The following BAIAP2L2 variants were observed in gnomAD, a reference collection of about 807,000 sequenced individuals.
The protein encoded by BAIAP2L2 is BAR/IMD domain containing adaptor protein 2 like 2.
In BAIAP2L2, 65 loss-of-function variants were observed where a neutral mutation model predicts 60.4. The ratio of observed to expected loss-of-function variants is 1.08; its 90% CI spans 0.88 to 1.32. The LOEUF is 1.32. BAIAP2L2 is among the 40% of genes most tolerant of loss of function. BAIAP2L2 has a pLI of 0.00. For missense variants in BAIAP2L2, 836 were observed against 741.2 expected, an observed-to-expected ratio of 1.13 and a Z score of -1.48; for synonymous variants, 344 against 301.7, an observed-to-expected ratio of 1.14 and a Z score of -1.45.
At chr22:38,098,024 CGCCCTT>C in intron 6 of BAIAP2L2, 33 bp downstream of exon 6, 5 of 970,768 alleles carry the variant, frequency 5.2e-6, no homozygotes, top group Non-Finnish European at 8.2e-6. Context: ...TCTGCCCACC[CGCCCTT>C]CCTGGCCCAC....
chr22:38,103,998 C>T (rs1357224338), intron 4 of BAIAP2L2, among the ~76,000 whole-genome samples: 1 of 151,962 alleles, frequency 6.6e-6, no homozygotes, highest in Non-Finnish European at 1.5e-5. Context: ...AATAAAAGTA[C>T]TACATAATGG....
At chr22:38,086,976 A>C in intron 11 of BAIAP2L2, 148 bp downstream of exon 11, 1 of 1,103,860 alleles carries the variant, frequency 9.1e-7, no homozygotes, top group Non-Finnish European at 1.2e-6. Context: ...AGCCTGGGTG[A>C]CAGGGTGAGA....
Position 38,097,975 on chromosome 22 carries a change from A to G in BAIAP2L2, c.465+88T>C, listed in dbSNP as rs1458145938. 3 of 1,226,334 alleles carry G rather than the reference A, an allele frequency of 2.4e-6. No homozygotes were observed. In the East Asian group the frequency reaches 7.0e-5, roughly 29 times the overall value. 76.0% of individuals were successfully genotyped at this position (1,226,334 alleles called of 1,614,324 possible). A position where few individuals can be genotyped will look rare whatever the true frequency, so the allele number is the denominator to read the frequency against. ...TGGTGCTCGGTGGGGGAGCTCAGGG[A>G]GGCGTTCGGGGTTCCCAGGGCCCGG... On this transcript the variant is annotated intron_variant, in intron 6 of 13. Transcript: ENST00000381669.
rs2086230947 is a variant in BAIAP2L2 at position 38,089,626 on chromosome 22, C to G, written c.661G>C (p.Glu221Gln). 5 of 1,233,020 alleles carry G rather than the reference C, an allele frequency of 4.1e-6. No homozygotes were observed. The highest frequency in any genetic ancestry group is 1.6e-5 in the African/African-American group (1 of 64,448). The allele number at this position is 1,233,020 out of a possible 1,614,324, so 76.4% of individuals were successfully genotyped here. ...NRVLLWKEQS[E>Q]ASRSPSRAHS... is the part of the protein sequence containing the mutation. ...GCGCGCGACGGGCTGCGGCTGGCCTCAGACTGCTCCTTCCACAGCAGCACG... is the reference window on the plus strand; with the variant it reads ...GCGCGCGACGGGCTGCGGCTGGCCTGAGACTGCTCCTTCCACAGCAGCACG... The change falls in exon 8 of 14, where the codon GAG (glutamate) becomes CAG (glutamine). Residue 221 changes from glutamate (E) to glutamine (Q), a missense_variant. By Grantham distance (29) the Glu-to-Gln change is conservative. Coordinates refer to ENST00000381669, the MANE Select transcript of BAIAP2L2 (RefSeq NM_025045.6).
intron 10 of BAIAP2L2, among the ~76,000 whole-genome samples, chr22:38,087,668 C>T (rs567409143): frequency 2.0e-5 from 3 of 152,184 alleles, no homozygotes; most frequent in African/African-American, 7.2e-5. Context: ...GACCCCCTTC[C>T]GTTCCTGTCC....
intron 10 of BAIAP2L2, 97 bp from the exon 11 acceptor site, chr22:38,087,361 C>T: frequency 7.1e-7 from 1 of 1,417,188 alleles, no homozygotes; most frequent in South Asian, 1.3e-5. Context: ...CTGGAAGCTA[C>T]TTCACCTCGA....
At chr22:38,109,064 G>A in intron 2 of BAIAP2L2, 69 bp downstream of exon 2, 1 of 1,336,514 alleles carries the variant, frequency 7.5e-7, no homozygotes, top group Non-Finnish European at 1.1e-6. Flanking sequence ...GAGAATCTGG[G>A]AGGGGCCTGG....
chr22:38,089,474 G>T, intron 8 of BAIAP2L2, 48 bp downstream of exon 8: 1 of 1,094,694 alleles, frequency 9.1e-7, no homozygotes, highest in Admixed American at 4.6e-5. Flanking sequence ...GGGCCCCCGC[G>T]GGGGGCGGCG....
intron 6 of BAIAP2L2, 80 bp from the exon 7 acceptor site, chr22:38,097,258 C>G: frequency 6.5e-7 from 1 of 1,533,316 alleles, no homozygotes; most frequent in Non-Finnish European, 8.9e-7. Context: ...GCCAGCTGTT[C>G]AAGCCCCCTG....
Position 38,085,706 on chromosome 22 carries a change from T to C in BAIAP2L2, c.1494A>G (p.Pro498=), listed in dbSNP as rs772140259. The C allele has an allele frequency of 1.2e-6, 2 of 1,611,928 alleles. No homozygotes were observed. Among genetic ancestry groups the C allele is most frequent in the Non-Finnish European group, 1.7e-6 (2 of 1,179,304 alleles). The part of the protein sequence containing the change: ...VKKLMSSEQY[P]PQELFPRGTN... ...CTCACCTCGGGAAGAGCTCCTGTGG[T>C]GGGTACTGCTCTGAGGACATCAGTT... is the stretch of plus-strand genomic sequence containing the variant. Residue 498 remains proline (P), a synonymous_variant, in exon 13 of 14, where the codon CCA becomes CCG. Coordinates refer to ENST00000381669, the MANE Select transcript of BAIAP2L2 (RefSeq NM_025045.6).
At chr22:38,085,552 T>C in intron 13 of BAIAP2L2, 134 bp downstream of exon 13, 2 of 1,302,078 alleles carry the variant, frequency 1.5e-6, no homozygotes, top group Non-Finnish European at 2.2e-6. Flanking sequence ...TCTCACAGTG[T>C]TGCTCAAGCT....
intron 4 of BAIAP2L2, among the ~76,000 whole-genome samples, chr22:38,104,346 A>T (rs1350248065): frequency 2.6e-5 from 4 of 152,198 alleles, no homozygotes; most frequent in Non-Finnish European, 5.9e-5. Flanking sequence ...GAGGACAGAG[A>T]AACCAGCTGA....
At chr22:38,087,384 C>T (rs1329098339) in intron 10 of BAIAP2L2, 120 bp from the exon 11 acceptor site, 2 of 1,168,046 alleles carry the variant, frequency 1.7e-6, no homozygotes. Flanking sequence ...TGACAGACTA[C>T]AATCAATTCC....
intron 7 of BAIAP2L2, chr22:38,094,040 G>A (rs1029066638): frequency 2.2e-6 from 1 of 455,276 alleles, no homozygotes; most frequent in African/African-American, 2.0e-5. Context: ...CAGTGAAAAG[G>A]AAGCCAGTCG....
Position 38,108,349 on chromosome 22 carries a change from C to G in BAIAP2L2, c.128-8G>C, listed in dbSNP as rs373718838. The stretch of plus-strand genomic sequence containing the variant: ...CGGCCGCCTCGGACAGAGCTGTGGA[C>G]CAGAAGGGACAGGTCTGGTCCAGCC... On this transcript the variant is annotated splice_region_variant and splice_polypyrimidine_tract_variant and intron_variant, in intron 2 of 13. Coordinates refer to ENST00000381669, the MANE Select transcript of BAIAP2L2 (RefSeq NM_025045.6). 30 of 1,610,254 alleles carry G rather than the reference C, an allele frequency of 1.9e-5. No individual in the cohort carries two copies. The highest frequency in any genetic ancestry group is 2.5e-5 in the Non-Finnish European group (29 of 1,178,544).
At chr22:38,090,119 T>TTTTTTATTTTTTA (rs2086257616) in intron 7 of BAIAP2L2, 1 of 90,470 alleles carries the variant, frequency 1.1e-5, no homozygotes, top group Non-Finnish European at 2.7e-5. Context: ...TTTTTTTTTT[T>TTTTTTATTTTTTA]TTTTTTTTTT....
chr22:38,097,776 G>T (rs1602015992), intron 6 of BAIAP2L2, among the ~76,000 whole-genome samples: 1 of 152,220 alleles, frequency 6.6e-6, no homozygotes, highest in East Asian at 1.9e-4. Flanking sequence ...AATTTTCTCG[G>T]TGAAGTAGGA....
At position 38,085,742 on chromosome 22, in the gene BAIAP2L2, G is replaced by A. The variant is rs1400003130; in HGVS notation, c.1468-10C>T. 5 of 1,589,762 alleles carry A rather than the reference G, an allele frequency of 3.1e-6. No homozygotes were observed. Among genetic ancestry groups the A allele is most frequent in the East Asian group, 2.2e-5 (1 of 44,676 alleles). ...CTGAGGACATCAGTTTCTGCAGTGG[G>A]GGTGGGGAAGGGCTGGTTTGGTGGG... On this transcript the variant is annotated splice_polypyrimidine_tract_variant and intron_variant, in intron 12 of 13. Coordinates refer to ENST00000381669, the MANE Select transcript of BAIAP2L2 (RefSeq NM_025045.6).
At chr22:38,108,166 C>T in intron 3 of BAIAP2L2, 89 bp downstream of exon 3, 1 of 1,279,312 alleles carries the variant, frequency 7.8e-7, no homozygotes, top group Non-Finnish European at 1.1e-6. Context: ...GGCTGAAAGG[C>T]CTGTGTCAGG....
Sources: gnomAD v4.1 joint callset for allele counts (sites outside exome capture counted in the v4.1 genomes callset) on GRCh38, gnomAD v4.1.1 for gene constraint, MANE v1.5 for transcripts, NCBI Gene and HGNC (gene_info 2026-07-23, HGNC 2026-07-21) for gene names.